GRM8: variants seen among roughly 807,000 people sequenced by gnomAD.
The protein encoded by GRM8 is metabotropic glutamate receptor 8.
In GRM8, 47 loss-of-function variants were observed where a neutral mutation model predicts 87.2. That is an observed-to-expected ratio of 0.54 (90% CI 0.43 to 0.69). The LOEUF (loss-of-function observed/expected upper bound fraction) is 0.69, where lower values mean the gene tolerates loss of function less well. Among genes scored for constraint, GRM8 ranks in the 30% least tolerant of loss-of-function variants. The pLI, the probability that GRM8 is intolerant of heterozygous loss-of-function variation, is 0.00. For missense variants in GRM8, 1,019 were observed against 1,139.2 expected, an observed-to-expected ratio of 0.89 and a Z score of 1.52; for synonymous variants, 396 against 404.5, an observed-to-expected ratio of 0.98 and a Z score of 0.25.
At chr7:126,939,430 A>G (rs1232074266) in intron 3 of GRM8, among the ~76,000 whole-genome samples, 1 of 152,208 alleles carries the variant, frequency 6.6e-6, no homozygotes, top group Non-Finnish European at 1.5e-5. Flanking sequence ...TTCCTCATCT[A>G]TAACATGGAA....
chr7:127,244,395 G>A (rs1340138185), intron 1 of GRM8, among the ~76,000 whole-genome samples: 1 of 152,126 alleles, frequency 6.6e-6, no homozygotes, highest in Admixed American at 6.5e-5. Flanking sequence ...AAGGCTACAC[G>A]CAAATCTACA....
At chr7:126,675,022 G>A (rs992398679) in intron 7 of GRM8, among the ~76,000 whole-genome samples, 26 of 152,156 alleles carry the variant, frequency 1.7e-4, no homozygotes, top group African/African-American at 5.6e-4. Context: ...CTGAACGTTC[G>A]TGTCCACCCA....
At chr7:126,640,551 C>A (rs919234108) in intron 7 of GRM8, among the ~76,000 whole-genome samples, 2 of 152,076 alleles carry the variant, frequency 1.3e-5, no homozygotes, top group Non-Finnish European at 2.9e-5. Flanking sequence ...TATTATCAAT[C>A]TCTCTCTCTG....
intron 8 of GRM8, among the ~76,000 whole-genome samples, chr7:126,585,106 A>C (rs1409973510): frequency 6.6e-6 from 1 of 152,208 alleles, no homozygotes; most frequent in East Asian, 1.9e-4. Context: ...ATGAAACCAC[A>C]AACTTATTAG....
At chr7:126,992,037 C>T (rs1812712885) in intron 3 of GRM8, among the ~76,000 whole-genome samples, 1 of 152,112 alleles carries the variant, frequency 6.6e-6, no homozygotes, top group South Asian at 2.1e-4. Flanking sequence ...ATAAGAACTT[C>T]TCTAATTGAA....
At chr7:126,537,148 T>C (rs1815878803) in intron 8 of GRM8, among the ~76,000 whole-genome samples, 2 of 152,150 alleles carry the variant, frequency 1.3e-5, no homozygotes, top group African/African-American at 2.4e-5. Flanking sequence ...ATATGAAAAA[T>C]ACCAGTTTTT....
At chr7:126,875,434 C>T (rs889379004) in intron 6 of GRM8, among the ~76,000 whole-genome samples, 5 of 152,098 alleles carry the variant, frequency 3.3e-5, no homozygotes, top group African/African-American at 7.2e-5. Flanking sequence ...GACCATCCTC[C>T]GCATTGGTGT....
chr7:126,987,318 C>T (rs1390337024), intron 3 of GRM8, among the ~76,000 whole-genome samples: 2 of 152,202 alleles, frequency 1.3e-5, no homozygotes, highest in South Asian at 2.1e-4. Flanking sequence ...TGACTCTCAT[C>T]CCACTAGCTC....
chr7:127,157,779 T>C (rs1390009960), intron 2 of GRM8, among the ~76,000 whole-genome samples: 1 of 152,116 alleles, frequency 6.6e-6, no homozygotes, highest in African/African-American at 2.4e-5. Flanking sequence ...ATACCACTGA[T>C]AAAAATTAAA....
chr7:127,239,334 T>C (rs1363760695), intron 2 of GRM8, among the ~76,000 whole-genome samples: 1 of 152,226 alleles, frequency 6.6e-6, no homozygotes, highest in Non-Finnish European at 1.5e-5. Context: ...AGTAAGTTCA[T>C]GAATTAAGAC....
intron 6 of GRM8, among the ~76,000 whole-genome samples, chr7:126,772,877 C>A (rs1177952401): frequency 6.6e-6 from 1 of 152,092 alleles, no homozygotes; most frequent in African/African-American, 2.4e-5. Context: ...TTTCCCATTT[C>A]TCAGGATAGA....
intron 7 of GRM8, among the ~76,000 whole-genome samples, chr7:126,686,106 G>A (rs997064065): frequency 1.3e-5 from 2 of 151,564 alleles, no homozygotes; most frequent in Non-Finnish European, 2.9e-5. Flanking sequence ...GAAAGTTGAG[G>A]AGACAATGGG....
intron 8 of GRM8, among the ~76,000 whole-genome samples, chr7:126,608,283 C>A (rs1798566310): frequency 6.6e-6 from 1 of 152,110 alleles, no homozygotes; most frequent in African/African-American, 2.4e-5. Context: ...AAGACCTCTG[C>A]CCTAAGAGAG....
intron 9 of GRM8, among the ~76,000 whole-genome samples, chr7:126,499,499 A>G (rs2150687342): frequency 6.6e-6 from 1 of 152,044 alleles, no homozygotes; most frequent in South Asian, 2.1e-4. Context: ...GGTATGATGA[A>G]GGGATGTCTG....
chr7:127,088,099 C>G (rs1823693386), intron 3 of GRM8, among the ~76,000 whole-genome samples: 1 of 152,220 alleles, frequency 6.6e-6, no homozygotes, highest in Non-Finnish European at 1.5e-5. Context: ...GTCTATTTCT[C>G]TCCTTTTTGC....
chr7:127,019,562 C>T (rs371525313), intron 3 of GRM8, among the ~76,000 whole-genome samples: 11 of 152,164 alleles, frequency 7.2e-5, no homozygotes, highest in East Asian at 3.9e-4. Flanking sequence ...ATTATACACA[C>T]TGATTTGTCA....
intron 7 of GRM8, among the ~76,000 whole-genome samples, chr7:126,638,429 A>T (rs982125334): frequency 2.0e-5 from 3 of 152,222 alleles, no homozygotes; most frequent in Non-Finnish European, 4.4e-5. Flanking sequence ...TGCTTTGGGA[A>T]GTTAACCCAC....
chr7:126,825,092 C>T (rs992660947), intron 6 of GRM8, among the ~76,000 whole-genome samples: 1 of 152,046 alleles, frequency 6.6e-6, no homozygotes, highest in African/African-American at 2.4e-5. Flanking sequence ...TTTCGAGACA[C>T]AGTCCCATTC....
intron 9 of GRM8, among the ~76,000 whole-genome samples, chr7:126,482,423 G>T (rs755519704): frequency 6.6e-6 from 1 of 151,800 alleles, no homozygotes; most frequent in Admixed American, 6.6e-5. Flanking sequence ...ACAGATGAAT[G>T]GAAAAACAAA....
Sources: allele counts gnomAD v4.1 joint callset (sites outside exome capture counted in the v4.1 genomes callset), GRCh38; gene constraint gnomAD v4.1.1; transcripts MANE v1.5; gene names NCBI Gene and HGNC (gene_info 2026-07-23, HGNC 2026-07-21).